Variants in NXNL2 observed in about 807,000 individuals in gnomAD.
The protein encoded by NXNL2 is nucleoredoxin-like protein 2.
A neutral mutation model predicts 11.1 loss-of-function variants in NXNL2; 7 were observed. That is an observed-to-expected ratio of 0.63 (90% CI 0.36 to 1.18). The LOEUF (loss-of-function observed/expected upper bound fraction) is 1.18, where lower values mean the gene tolerates loss of function less well. Among genes scored for constraint, NXNL2 ranks in the 50% most tolerant of loss-of-function variants. NXNL2 has a pLI of 0.02. For synonymous variants in NXNL2, 109 were observed against 101.8 expected, an observed-to-expected ratio of 1.07 and a Z score of -0.42; for missense variants, 233 against 217.7, an observed-to-expected ratio of 1.07 and a Z score of -0.44.
chr9:88,552,494 A>G (rs1283249086), intron 1 of NXNL2, among the ~76,000 whole-genome samples: 3 of 126,842 alleles, frequency 2.4e-5, no homozygotes, highest in Non-Finnish European at 4.7e-5. Flanking sequence ...TTTTTTTGAG[A>G]TGGAGTCTCG....
downstream of NXNL2, among the ~76,000 whole-genome samples, chr9:88,578,160 C>A (rs1004800455): frequency 6.6e-6 from 1 of 152,242 alleles, no homozygotes; most frequent in Non-Finnish European, 1.5e-5. Flanking sequence ...CGCTGTTAAT[C>A]TCCAAGAGAA....
chr9:88,538,063 C>T (rs1406498649), intron 1 of NXNL2, among the ~76,000 whole-genome samples: 3 of 152,194 alleles, frequency 2.0e-5, no homozygotes, highest in Non-Finnish European at 1.5e-5. Context: ...TGACAACATT[C>T]TCTCCTCCAA....
intron 1 of NXNL2, among the ~76,000 whole-genome samples, chr9:88,564,840 C>T (rs564454868): frequency 6.6e-6 from 1 of 152,280 alleles, no homozygotes; most frequent in South Asian, 2.1e-4. Context: ...CTTTAGATCT[C>T]TTGATTCTTA....
intron 1 of NXNL2, 84 bp downstream of exon 1, chr9:88,535,820 C>A: frequency 9.3e-7 from 1 of 1,073,106 alleles, no homozygotes; most frequent in Non-Finnish European, 1.3e-6. Flanking sequence ...CACTGGGGAG[C>A]TCTTTATGAC....
At chr9:88,569,029 C>T (rs750081171) in intron 1 of NXNL2, among the ~76,000 whole-genome samples, 1 of 152,104 alleles carries the variant, frequency 6.6e-6, no homozygotes, top group Non-Finnish European at 1.5e-5. Flanking sequence ...CAGGCTCAAG[C>T]GATATTTCCA....
chr9:88,557,712 G>C (rs761224070), intron 1 of NXNL2, among the ~76,000 whole-genome samples: 1 of 152,204 alleles, frequency 6.6e-6, no homozygotes, highest in Non-Finnish European at 1.5e-5. Flanking sequence ...ACTACCCAGA[G>C]GAGGAGAATG....
downstream of NXNL2, among the ~76,000 whole-genome samples, chr9:88,548,510 C>A (rs560880225): frequency 1.3e-5 from 2 of 149,530 alleles, no homozygotes; most frequent in Non-Finnish European, 3.0e-5. Context: ...ATGGTGAAAC[C>A]CTGTCTCTAC....
downstream of NXNL2, among the ~76,000 whole-genome samples, chr9:88,545,420 C>G (rs1161824738): frequency 6.6e-6 from 1 of 152,178 alleles, no homozygotes; most frequent in Non-Finnish European, 1.5e-5. Flanking sequence ...CAAGTCCTCA[C>G]CTGCAGATCT....
chr9:88,540,055 G>A lies in NXNL2; in HGVS notation c.302+4319G>A, dbSNP rs558045791. Among the ~76,000 whole-genome samples, 30 of 151,986 alleles carry A rather than the reference G, an allele frequency of 2.0e-4. No homozygotes were observed. The East Asian group carries it at 5.5e-3, about 28-fold the overall frequency. On this transcript the variant is annotated intron_variant, in intron 1 of 1. Coordinates refer to ENST00000375854, the MANE Select transcript of NXNL2 (RefSeq NM_001161625.2). Reference sequence around the variant, plus strand: ...TTTAAATTTTAGGTGTTGTGCGGCCGGGCGTGGTGGCTCACGCCTGTAATC... The same window carrying A: ...TTTAAATTTTAGGTGTTGTGCGGCCAGGCGTGGTGGCTCACGCCTGTAATC...
At chr9:88,549,537 G>A (rs1343133420), downstream of NXNL2, among the ~76,000 whole-genome samples, 2 of 152,168 alleles carry the variant, frequency 1.3e-5, no homozygotes, top group African/African-American at 4.8e-5. Flanking sequence ...TTCCTTCAGT[G>A]ATTTGAAGGC....
chr9:88,549,110 C>G (rs1468800167), downstream of NXNL2, among the ~76,000 whole-genome samples: 1 of 152,234 alleles, frequency 6.6e-6, no homozygotes, highest in Non-Finnish European at 1.5e-5. Flanking sequence ...CAGACAAAGA[C>G]AGCGCCTATA....
At chr9:88,583,895 C>T (rs1327489717) in intron 1 of NXNL2, 1 of 152,186 alleles carries the variant, frequency 6.6e-6, no homozygotes, top group African/African-American at 2.4e-5. Flanking sequence ...TTGCCAGGAA[C>T]CAAATCAGCT....
At chr9:88,574,373 C>A (rs761063975) in intron 2 of NXNL2, among the ~76,000 whole-genome samples, 1 of 152,120 alleles carries the variant, frequency 6.6e-6, no homozygotes, top group Non-Finnish European at 1.5e-5. Flanking sequence ...ATGACATATG[C>A]CCAAGGTGGT....
intron 1 of NXNL2, among the ~76,000 whole-genome samples, chr9:88,553,958 ATGTAT>A (rs367629480): frequency 5.3e-5 from 8 of 152,252 alleles, no homozygotes; most frequent in Non-Finnish European, 8.8e-5. Flanking sequence ...CTTCAGGTAA[ATGTAT>A]TGTATTAGTA....
At chr9:88,561,006 C>G (rs1481066231) in intron 1 of NXNL2, among the ~76,000 whole-genome samples, 1 of 152,152 alleles carries the variant, frequency 6.6e-6, no homozygotes, top group Non-Finnish European at 1.5e-5. Context: ...AAGAAGACCC[C>G]ACACATGGGG....
At position 88,535,743 on chromosome 9, in the gene NXNL2, G is replaced by A. The variant is rs1829600650; in HGVS notation, c.302+7G>A. 1.3e-6 allele frequency: 2 copies of A among 1,540,790 alleles called. No individual in the cohort carries two copies. The highest frequency in any genetic ancestry group is 2.8e-5 in the African/African-American group (2 of 72,710). ...TCCACGACCCCTACCGGCAGTGAGT[G>A]GGGGTCCTGGGGGGGCGGGGGCCGC... On this transcript the variant is annotated splice_region_variant and intron_variant, in intron 1 of 1. Coordinates refer to ENST00000375854, the MANE Select transcript of NXNL2 (RefSeq NM_001161625.2).
chr9:88,548,819 G>T (rs1829887637), downstream of NXNL2, among the ~76,000 whole-genome samples: 1 of 150,732 alleles, frequency 6.6e-6, no homozygotes, highest in Admixed American at 6.6e-5. Context: ...CCTAGGTGAT[G>T]GTGGTGTTAG....
chr9:88,535,763 G>A (rs1400092882), intron 1 of NXNL2, 27 bp downstream of exon 1: 7 of 1,518,140 alleles, frequency 4.6e-6, no homozygotes, highest in Non-Finnish European at 6.1e-6. Context: ...GGGGGGCGGG[G>A]GCCGCCCGGC....
chr9:88,544,321 G>A, intron 1 of NXNL2, 58 bp from the exon 2 acceptor site: 1 of 1,459,456 alleles, frequency 6.9e-7, no homozygotes, highest in Admixed American at 2.0e-5. Context: ...GAGGGGGCGT[G>A]TCCCTTCAGA....
Sources: allele counts gnomAD v4.1 joint callset (sites outside exome capture counted in the v4.1 genomes callset), GRCh38; gene constraint gnomAD v4.1.1; transcripts MANE v1.5; gene names NCBI Gene and HGNC (gene_info 2026-07-23, HGNC 2026-07-21).